Variants in BCR observed in about 807,000 individuals in gnomAD.
BCR encodes breakpoint cluster region protein.
Under a neutral mutation model 138.6 loss-of-function variants are expected in BCR, and 58 were observed. The ratio of observed to expected loss-of-function variants is 0.42; its 90% CI spans 0.34 to 0.52. BCR has a LOEUF of 0.52. Ranked by LOEUF, BCR falls within the 20% of genes least tolerant of loss-of-function variation. The pLI is 0.06. For missense variants in BCR, 1,599 were observed against 1,727.2 expected, an observed-to-expected ratio of 0.93 and a Z score of 1.32; for synonymous variants, 786 against 730.1, an observed-to-expected ratio of 1.08 and a Z score of -1.23.
At chr22:23,246,146 C>T (rs909869579) in intron 1 of BCR, among the ~76,000 whole-genome samples, 2 of 152,100 alleles carry the variant, frequency 1.3e-5, no homozygotes, top group Non-Finnish European at 2.9e-5. Flanking sequence ...AGGCAGAGGC[C>T]GGGTGTAGTG....
At chr22:23,207,156 C>G (rs9620226) in intron 1 of BCR, among the ~76,000 whole-genome samples, 13 of 152,132 alleles carry the variant, frequency 8.5e-5, no homozygotes, top group Non-Finnish European at 1.5e-4. Flanking sequence ...TACTGGGGTC[C>G]AAGCACAATG....
rs540761914 is a variant in BCR at position 23,263,267 on chromosome 22, G to T, written c.1752+1727G>T. 8.3e-4 allele frequency: 909 copies of T among 1,099,816 alleles called. 2 individuals are homozygous for T. The highest frequency in any genetic ancestry group is 2.0e-3 in the Admixed American group (104 of 51,572). The allele number at this position is 1,099,816 out of a possible 1,614,324, so 68.1% of individuals were successfully genotyped here. A position where few individuals can be genotyped will look rare whatever the true frequency, so the allele number is the denominator to read the frequency against. Reference sequence around the variant, plus strand: ...ACATGTGCTCCTACCTCGACATGCGGGCCCTCGGCCGCCTGGCCCAGGTGT... The same window carrying T: ...ACATGTGCTCCTACCTCGACATGCGTGCCCTCGGCCGCCTGGCCCAGGTGT... On this transcript the variant is annotated intron_variant, in intron 4 of 22. Coordinates refer to ENST00000305877, the MANE Select transcript of BCR (RefSeq NM_004327.4).
intron 8 of BCR, among the ~76,000 whole-genome samples, chr22:23,277,903 A>G (rs1382832672): frequency 3.9e-5 from 6 of 152,146 alleles, no homozygotes; most frequent in Non-Finnish European, 8.8e-5. Flanking sequence ...GCTTCCTGGC[A>G]TCCTGGCCCA....
At chr22:23,263,323 A>G (rs2073393868) in intron 4 of BCR, 1 of 1,187,258 alleles carries the variant, frequency 8.4e-7, no homozygotes, top group Admixed American at 1.8e-5. Context: ...ACCAACTGCG[A>G]CCTGCTCCGG....
Position 23,253,908 on chromosome 22 carries a change from G to T in BCR, c.1389G>T (p.Ser463=). 1.2e-6 allele frequency: 2 copies of T among 1,613,042 alleles called. No individual in the cohort carries two copies. The highest frequency in any genetic ancestry group is 1.7e-6 in the Non-Finnish European group (2 of 1,179,954). ...ACATTGATGACTCGCCCTCCTCATC[G>T]CCCCACCTCAGCAGCAAGGGCAGGG... ...LPYIDDSPSS[S]PHLSSKGRGS... The change falls in exon 2 of 23, where the codon TCG becomes TCT. Residue 463 remains serine, a synonymous_variant. Coordinates refer to ENST00000305877, the MANE Select transcript of BCR (RefSeq NM_004327.4).
At chr22:23,183,902 A>T (rs941826671) in intron 1 of BCR, among the ~76,000 whole-genome samples, 2 of 152,218 alleles carry the variant, frequency 1.3e-5, no homozygotes, top group Admixed American at 6.5e-5. Context: ...GAATATAGGA[A>T]TTATTATAGA....
chr22:23,281,847 A>T (rs1200789041), intron 8 of BCR, among the ~76,000 whole-genome samples: 3 of 152,222 alleles, frequency 2.0e-5, no homozygotes, highest in African/African-American at 7.2e-5. Flanking sequence ...TGGGTGCTAC[A>T]GGTCCCCAGT....
intron 2 of BCR, among the ~76,000 whole-genome samples, chr22:23,258,184 G>A (rs756049708): frequency 3.3e-5 from 5 of 152,146 alleles, no homozygotes; most frequent in Non-Finnish European, 5.9e-5. Context: ...ACAGGCACCC[G>A]GGCATGCTGA....
intron 1 of BCR, among the ~76,000 whole-genome samples, chr22:23,234,914 G>A (rs2073005712): frequency 7.0e-6 from 1 of 143,772 alleles, no homozygotes. Context: ...AGAGGGGCAT[G>A]TGTTGTATGG....
chr22:23,276,765 G>GC (rs2073582292), intron 8 of BCR, among the ~76,000 whole-genome samples: 1 of 151,674 alleles, frequency 6.6e-6, no homozygotes, highest in Non-Finnish European at 1.5e-5. Context: ...CCCTGGCACT[G>GC]CCCAACGGGT....
In BCR at chr22:23,182,017, G is replaced by T. The variant is rs1285529312; in HGVS notation, c.1057G>T (p.Val353Leu). 3.7e-6 allele frequency: 6 copies of T among 1,612,762 alleles called. No individual in the cohort carries two copies. Among genetic ancestry groups the T allele is most frequent in the Non-Finnish European group, 5.1e-6 (6 of 1,179,284 alleles). Residue 353 changes from valine (V) to leucine (L), a missense_variant, in exon 1 of 23, where the codon GTG (valine) becomes TTG (leucine). Around this residue, in one of 4 missense-constraint regions of BCR, gnomAD observed 806 missense variants for 635.0 expected, o/e 1.27. Coordinates refer to ENST00000305877, the MANE Select transcript of BCR (RefSeq NM_004327.4). ...CTTCTCCTCTGGCCAGTCCAGCCGCGTGTCCCCAAGCCCCACCACCTACCG... is the reference window on the plus strand; with the variant it reads ...CTTCTCCTCTGGCCAGTCCAGCCGCTTGTCCCCAAGCCCCACCACCTACCG... ...EDFSSGQSSR[V>L]SPSPTTYRMF...
At chr22:23,260,588 G>A (rs1184036691) in intron 2 of BCR, among the ~76,000 whole-genome samples, 32 of 152,216 alleles carry the variant, frequency 2.1e-4, no homozygotes, top group Admixed American at 2.0e-3. Flanking sequence ...CGCCCCCTCA[G>A]GTCAGAGCCT....
chr22:23,264,248 G>A (rs763964492), intron 4 of BCR: 25 of 968,050 alleles, frequency 2.6e-5, no homozygotes, highest in South Asian at 2.6e-4. Flanking sequence ...ACACCTTCCC[G>A]CTGACGTCGA....
chr22:23,239,656 T>C (rs1602052745), intron 1 of BCR, among the ~76,000 whole-genome samples: 1 of 152,214 alleles, frequency 6.6e-6, no homozygotes, highest in East Asian at 1.9e-4. Context: ...AACCACAAAC[T>C]GTGCAGCCCA....
chr22:23,284,133 C>G, intron 9 of BCR, 35 bp downstream of exon 9: 1 of 1,609,636 alleles, frequency 6.2e-7, no homozygotes, highest in Non-Finnish European at 8.5e-7. Context: ...CCAGCAGTGA[C>G]CCCACCCTGA....
intron 4 of BCR, chr22:23,261,794 T>C (rs148875632): frequency 1.9e-4 from 47 of 244,218 alleles, no homozygotes; most frequent in African/African-American, 1.0e-3. Context: ...AGATGGGGAC[T>C]TACTACGTTG....
intron 1 of BCR, among the ~76,000 whole-genome samples, chr22:23,188,762 A>AG (rs1465484318): frequency 7.1e-6 from 1 of 141,818 alleles, no homozygotes; most frequent in Admixed American, 6.9e-5. Context: ...TGGCTCAAGT[A>AG]GGTTTTTTTT....
chr22:23,288,195 G>A (rs998158159), intron 12 of BCR, 23 bp downstream of exon 12: 1 of 1,610,572 alleles, frequency 6.2e-7, no homozygotes, highest in East Asian at 2.2e-5. Context: ...TGTCCTGAGA[G>A]GGGCTGGGCT....
intron 5 of BCR, among the ~76,000 whole-genome samples, chr22:23,270,116 G>A (rs1470293351): frequency 1.3e-5 from 2 of 152,200 alleles, no homozygotes; most frequent in Non-Finnish European, 2.9e-5. Flanking sequence ...AGAGTCAAAC[G>A]CAAGGAAGAG....
Sources: allele counts gnomAD v4.1 joint callset (sites outside exome capture counted in the v4.1 genomes callset), GRCh38; gene constraint gnomAD v4.1.1; regional missense constraint gnomAD v4.1.1; transcripts MANE v1.5; gene names NCBI Gene and HGNC (gene_info 2026-07-23, HGNC 2026-07-21).